Variants in NLRC4 observed in about 807,000 individuals in gnomAD.
The protein encoded by NLRC4 is NLR family CARD domain containing 4, also known as NLR family CARD domain-containing protein 4.
NLRC4 carries 63 observed loss-of-function variants against 79.9 expected under a neutral mutation model. The observed-to-expected ratio is 0.79, with a 90% CI of 0.64 to 0.97. NLRC4 has a LOEUF of 0.97. Among genes scored for constraint, NLRC4 ranks in the 50% least tolerant of loss-of-function variants. The pLI, the probability that NLRC4 is intolerant of heterozygous loss-of-function variation, is 0.00. For synonymous variants in NLRC4, 461 were observed against 456.5 expected (o/e 1.01, Z -0.12); for missense variants, 1,074 against 1,215.2 (o/e 0.88, Z 1.73).
chr2:32,263,395 G>A (rs1407459060), intron 1 of NLRC4, among the ~76,000 whole-genome samples: 2 of 152,190 alleles, frequency 1.3e-5, no homozygotes, highest in African/African-American at 4.8e-5. Context: ...TGGTCAGTGG[G>A]TATTATCTGT....
chr2:32,247,915 A>C (rs913550973), intron 4 of NLRC4, among the ~76,000 whole-genome samples: 6 of 152,050 alleles, frequency 3.9e-5, no homozygotes, highest in African/African-American at 1.5e-4. Context: ...ACTCAGAAAC[A>C]GAAAATCAAA....
intron 6 of NLRC4, 131 bp from the exon 7 acceptor site, chr2:32,236,470 T>A: frequency 1.6e-6 from 1 of 618,860 alleles, no homozygotes; most frequent in South Asian, 2.0e-5. Flanking sequence ...TTGCCTTGGT[T>A]ATTTTAATTA....
chr2:32,228,718 C>G (rs1686460997), intron 8 of NLRC4, among the ~76,000 whole-genome samples: 1 of 151,704 alleles, frequency 6.6e-6, no homozygotes. Flanking sequence ...AATGATTGGG[C>G]CCAGGATTTA....
intron 2 of NLRC4, among the ~76,000 whole-genome samples, chr2:32,254,743 C>G (rs952710190): frequency 6.6e-6 from 1 of 151,462 alleles, no homozygotes; most frequent in Non-Finnish European, 1.5e-5. Flanking sequence ...CTCGGCCTCC[C>G]AAGCAGCTGG....
chr2:32,225,529 A>G (rs1187125547), intron 8 of NLRC4, among the ~76,000 whole-genome samples: 1 of 152,130 alleles, frequency 6.6e-6, no homozygotes, highest in Non-Finnish European at 1.5e-5. Context: ...GAGTCTTGCA[A>G]TAAGAAAAAA....
Position 32,241,130 on chromosome 2 carries a change from CA to C in NLRC4, c.2258-6del. ...CCAAGCTGTCAGTCAGACCACCTGT[CA>C]AAAGAAAAAAGATTGGACTCTTTCA... On this transcript the variant is annotated splice_polypyrimidine_tract_variant and splice_region_variant and intron_variant, in intron 4 of 8. Transcript: ENST00000402280. 6.4e-7 allele frequency: 1 copy of C among 1,569,992 alleles called. No individual in the cohort carries two copies. The highest frequency in any genetic ancestry group is 8.7e-7 in the Non-Finnish European group (1 of 1,146,740).
rs1251464454 is a variant in NLRC4, at chr2:32,239,300, G to GAAATA, written c.2351-1003_2351-999dup. Among the ~76,000 whole-genome samples, 3 of 152,044 alleles carry GAAATA rather than the reference G, an allele frequency of 2.0e-5. No homozygotes were observed. In the South Asian group the frequency reaches 6.2e-4, roughly 32 times the overall value. ...CCATCTCAAAGAAAAGAAAAGAAAA[G>GAAATA]AAATAAAATATATGATTCTAATAAT... On this transcript the variant is annotated intron_variant, in intron 5 of 8. Coordinates refer to ENST00000402280, the MANE Select transcript of NLRC4 (RefSeq NM_001199138.2).
intron 8 of NLRC4, among the ~76,000 whole-genome samples, chr2:32,232,379 A>C (rs944980741): frequency 6.6e-6 from 1 of 152,196 alleles, no homozygotes; most frequent in Non-Finnish European, 1.5e-5. Flanking sequence ...CAGTATCCTA[A>C]GTGTAGTTAC....
In NLRC4 at chr2:32,233,177, GAA is replaced by G. The variant is rs1558446999; in HGVS notation, c.2782+2222_2782+2223del. On this transcript the variant is annotated intron_variant, in intron 8 of 8. Transcript: ENST00000402280. ...GGAAGGAAGGAAGGAAGGAAGGAAG[GAA>G]GGAAGGAAGGAAGGAAGGGAGGGAG... Among the ~76,000 whole-genome samples the G allele has an allele frequency of 1.8e-3, 156 of 89,066 alleles. 1 individual carries two copies. Among genetic ancestry groups the G allele is most frequent in the Non-Finnish European group, 2.5e-3 (115 of 45,368 alleles). 58.4% of individuals were successfully genotyped at this position (89,066 alleles called of 152,430 possible).
chr2:32,250,368 A>G lies in NLRC4; in HGVS notation c.1496T>C (p.Val499Ala), dbSNP rs754932530. The change falls in exon 4 of 9, where the codon GTG becomes GCG. Residue 499 changes from valine to alanine, a missense_variant. Physicochemically the swap from Val to Ala is moderately conservative, Grantham distance 64. Coordinates refer to ENST00000402280, the MANE Select transcript of NLRC4 (RefSeq NM_001199138.2). This position sits in a 1 kb window ranked among gnomAD's most constrained non-coding sequence, Gnocchi z 4.9. ...CTTCATAACAGCCCTGGTGGCTTCC[A>G]CAGATGACCCACAGGTGTACCGGAG... Reference protein sequence around the residue: ...SLLRYTCGSSVEATRAVMKHL... With the variant: ...SLLRYTCGSSAEATRAVMKHL... The G allele has an allele frequency of 6.2e-7, 1 of 1,614,200 alleles. No homozygotes were observed. Among genetic ancestry groups the G allele is most frequent in the South Asian group, 1.1e-5 (1 of 91,080 alleles).
chr2:32,241,001 C>T (rs764123370), intron 5 of NLRC4, 32 bp downstream of exon 5: 9 of 1,320,594 alleles, frequency 6.8e-6, no homozygotes, highest in South Asian at 1.2e-5. Flanking sequence ...ATCAAACTTA[C>T]ATTGATACAA....
intron 4 of NLRC4, among the ~76,000 whole-genome samples, chr2:32,243,680 C>G (rs1686859183): frequency 6.6e-6 from 1 of 151,372 alleles, no homozygotes; most frequent in South Asian, 2.1e-4. Flanking sequence ...CGCCTGTAGT[C>G]CCAGCTACTT....
At chr2:32,257,900 T>C (rs1242468880) in intron 1 of NLRC4, among the ~76,000 whole-genome samples, 1 of 151,942 alleles carries the variant, frequency 6.6e-6, no homozygotes, top group African/African-American at 2.4e-5. Flanking sequence ...GAAGCCCCAG[T>C]GGGTGTGTGT....
chr2:32,261,845 G>A (rs1405113615), intron 1 of NLRC4, among the ~76,000 whole-genome samples: 1 of 151,956 alleles, frequency 6.6e-6, no homozygotes. Context: ...CACTTTGGGA[G>A]GCTGAGGCAG....
chr2:32,251,131 A>C lies in NLRC4; in HGVS notation c.733T>G (p.Phe245Val), dbSNP rs979603097. The stretch of plus-strand genomic sequence containing the variant: ...AATTCATTGTAGCCATCAAGAAGGA[A>C]AAGAACCCTCTGCCGCAGCTTCAGC... ...MLLKLRQRVL[F>V]LLDGYNEFKP... Residue 245 changes from phenylalanine (F) to valine (V), a missense_variant, in exon 4 of 9, where the codon TTC (phenylalanine) becomes GTC (valine). By Grantham distance (50) the Phe-to-Val change is conservative. Coordinates refer to ENST00000402280, the MANE Select transcript of NLRC4 (RefSeq NM_001199138.2). The C allele has an allele frequency of 4.3e-6, 7 of 1,614,184 alleles. No individual in the cohort carries two copies. In the Admixed American group the frequency reaches 1.0e-4, roughly 23 times the overall value.
Position 32,250,151 on chromosome 2 carries a change from C to T in NLRC4, c.1713G>A (p.Leu571=), listed in dbSNP as rs756384862. 6.2e-7 allele frequency: 1 copy of T among 1,614,198 alleles called. No homozygotes were observed. The highest frequency in any genetic ancestry group is 1.7e-5 in the Admixed American group (1 of 60,026). The change falls in exon 4 of 9, where the codon CTG becomes CTA. Residue 571 remains leucine, a synonymous_variant. Coordinates refer to ENST00000402280, the MANE Select transcript of NLRC4 (RefSeq NM_001199138.2). This position sits in a 1 kb window ranked among gnomAD's most constrained non-coding sequence, Gnocchi z 4.9. ...GAAAGAAAGCTTCAAATTCTTGGCT[C>T]AGGGCTGATTTGGATGTACTCTCTT... ...LYQESTSKSA[L]SQEFEAFFQG...
chr2:32,233,842 C>A (rs1686610834), intron 8 of NLRC4, among the ~76,000 whole-genome samples: 1 of 152,094 alleles, frequency 6.6e-6, no homozygotes, highest in South Asian at 2.1e-4. Context: ...TTTGTTGATT[C>A]TCTGTCTGGG....
At chr2:32,242,112 A>T (rs1686819768) in intron 4 of NLRC4, among the ~76,000 whole-genome samples, 1 of 152,168 alleles carries the variant, frequency 6.6e-6, no homozygotes, top group African/African-American at 2.4e-5. Context: ...AGCACAAGTG[A>T]TCCTTTGGCC....
rs368803351 is a variant in NLRC4, at chr2:32,249,774, C to T, written c.2090G>A (p.Cys697Tyr). Residue 697 changes from cysteine (C) to tyrosine (Y), a missense_variant, in exon 4 of 9, where the codon TGT (cysteine) becomes TAT (tyrosine). Cys to Tyr is a radical substitution (Grantham distance 194). Transcript: ENST00000402280. Reference sequence around the variant, plus strand: ...ACTGAGGCTTCCAGCCACACCAGCACATCTCTTTATTTGCAGCCTGAGGCT... The same window carrying T: ...ACTGAGGCTTCCAGCCACACCAGCATATCTCTTTATTTGCAGCCTGAGGCT... The part of the protein sequence containing the change: ...ATSLRLQIKR[C>Y]AGVAGSLSLV... 2.3e-5 allele frequency: 37 copies of T among 1,614,104 alleles called. No individual in the cohort carries two copies. The highest frequency in any genetic ancestry group is 3.1e-5 in the Non-Finnish European group (36 of 1,180,048).
Sources: allele counts gnomAD v4.1 joint callset (sites outside exome capture counted in the v4.1 genomes callset), GRCh38; gene constraint gnomAD v4.1.1; non-coding constraint Gnocchi (gnomAD v3.1); transcripts MANE v1.5; gene names NCBI Gene and HGNC (gene_info 2026-07-23, HGNC 2026-07-21).